Variants in NEO1 observed in about 807,000 individuals in gnomAD.
The protein encoded by NEO1 is neogenin.
NEO1 carries 63 observed loss-of-function variants against 159.7 expected under a neutral mutation model. The ratio of observed to expected loss-of-function variants is 0.39; its 90% CI spans 0.32 to 0.49. The LOEUF is 0.49. Ranked by LOEUF, NEO1 falls within the 20% of genes least tolerant of loss-of-function variation. The pLI, the probability that NEO1 is intolerant of heterozygous loss-of-function variation, is 0.85. For missense variants in NEO1, 1,615 were observed against 1,831.0 expected (o/e 0.88, Z 2.15); for synonymous variants, 633 against 662.0 (o/e 0.96, Z 0.67).
At chr15:73,064,261 A>C (rs886418792) in intron 1 of NEO1, among the ~76,000 whole-genome samples, 2 of 152,192 alleles carry the variant, frequency 1.3e-5, no homozygotes, top group African/African-American at 4.8e-5. Context: ...TGAGATGCTC[A>C]TACTAAGGCA....
At chr15:73,283,158 T>G (rs2041801714) in intron 23 of NEO1, 47 bp downstream of exon 23, 1 of 1,607,940 alleles carries the variant, frequency 6.2e-7, no homozygotes, top group Non-Finnish European at 8.5e-7. Flanking sequence ...ATCTTATCTT[T>G]TGCTTCCATG....
At chr15:73,140,456 T>C (rs994527137) in intron 5 of NEO1, among the ~76,000 whole-genome samples, 3 of 152,132 alleles carry the variant, frequency 2.0e-5, no homozygotes, top group Non-Finnish European at 4.4e-5. Context: ...CTCAGGAGAC[T>C]GAAGCAGGAG....
In NEO1 at chr15:73,288,347, C is replaced by T. The variant is rs762671370; in HGVS notation, c.3445C>T (p.His1149Tyr). ...TGCCTGCAAATCAGTGAATGGCTCT[C>T]ATAAGTACAAAGGGAATTCCAAAGA... Reference protein sequence around the residue: ...RAACKSVNGSHKYKGNSKDVK... With the variant: ...RAACKSVNGSYKYKGNSKDVK... Residue 1149 changes from histidine (H) to tyrosine (Y), a missense_variant, in exon 24 of 29, where the codon CAT (histidine) becomes TAT (tyrosine). His to Tyr is a moderately conservative substitution (Grantham distance 83). This residue lies in a region of NEO1 where 471 missense variants were observed against 498.9 expected (regional missense o/e 0.94). Coordinates refer to ENST00000261908, the MANE Select transcript of NEO1 (RefSeq NM_002499.4). The T allele has an allele frequency of 1.5e-5, 24 of 1,614,002 alleles. No individual in the cohort carries two copies. Among genetic ancestry groups the T allele is most frequent in the Non-Finnish European group, 1.9e-5 (23 of 1,180,026 alleles).
At chr15:73,241,009 A>G (rs976412095) in intron 8 of NEO1, among the ~76,000 whole-genome samples, 4 of 152,216 alleles carry the variant, frequency 2.6e-5, no homozygotes, top group Admixed American at 1.3e-4. Context: ...CAATGTGAGA[A>G]TGTATGCCAC....
chr15:73,131,215 A>G (rs917131857), intron 4 of NEO1, among the ~76,000 whole-genome samples: 2 of 152,212 alleles, frequency 1.3e-5, no homozygotes, highest in African/African-American at 4.8e-5. Context: ...GAAAATCTCA[A>G]CTGAAAGGAG....
intron 5 of NEO1, among the ~76,000 whole-genome samples, chr15:73,172,463 T>C (rs1356862689): frequency 6.6e-6 from 1 of 152,202 alleles, no homozygotes; most frequent in Non-Finnish European, 1.5e-5. Context: ...TTATAAATCA[T>C]TGGCTAAAGA....
chr15:73,168,314 G>A (rs1567368840), intron 5 of NEO1, among the ~76,000 whole-genome samples: 4 of 145,540 alleles, frequency 2.7e-5, no homozygotes, highest in Admixed American at 1.5e-4. Context: ...CTCCCAAGTA[G>A]CTGGAATTAC....
chr15:73,239,199 A>G (rs1314585100), intron 8 of NEO1, among the ~76,000 whole-genome samples: 1 of 152,174 alleles, frequency 6.6e-6, no homozygotes, highest in East Asian at 1.9e-4. Context: ...GATAATATCC[A>G]GTGTTCAATG....
In NEO1 at chr15:73,249,074, C is replaced by A; in HGVS notation, c.1621C>A (p.Pro541Thr). The A allele has an allele frequency of 6.2e-7, 1 of 1,613,866 alleles. No individual in the cohort carries two copies. Among genetic ancestry groups the A allele is most frequent in the Non-Finnish European group, 8.5e-7 (1 of 1,179,880 alleles). The change falls in exon 10 of 29, where the codon CCA becomes ACA. Residue 541 changes from proline (P) to threonine (T), a missense_variant. Physicochemically the swap from Pro to Thr is conservative, Grantham distance 38. This residue lies in a region of NEO1 where 1,018 missense variants were observed against 1,115.4 expected (regional missense o/e 0.91). Transcript: ENST00000261908. ...TTTCTTTCTAGTTCAGCTCCCTGGC[C>A]CAGCACCTAACCTTCGTGCATATGC... ...ETQPEVQLPGPAPNLRAYAAS... is the reference protein window; with the variant it reads ...ETQPEVQLPGTAPNLRAYAAS...
chr15:73,105,678 TTATTTTAC>T (rs2070653622), intron 1 of NEO1, among the ~76,000 whole-genome samples: 1 of 152,176 alleles, frequency 6.6e-6, no homozygotes, highest in African/African-American at 2.4e-5. Context: ...GACATTCACT[TTATTTTAC>T]TTGAAGAGTC....
chr15:73,210,209 C>T (rs1351419632), intron 7 of NEO1, among the ~76,000 whole-genome samples: 1 of 152,294 alleles, frequency 6.6e-6, no homozygotes, highest in South Asian at 2.1e-4. Context: ...TGAGCTTTTA[C>T]AAGAATATGG....
At chr15:73,221,051 G>T (rs999966795) in intron 7 of NEO1, among the ~76,000 whole-genome samples, 5 of 152,102 alleles carry the variant, frequency 3.3e-5, no homozygotes, top group African/African-American at 1.2e-4. Context: ...CCCCATCTTT[G>T]TGGTTTTATC....
At chr15:73,277,542 A>G (rs2041475983) in intron 21 of NEO1, among the ~76,000 whole-genome samples, 1 of 152,080 alleles carries the variant, frequency 6.6e-6, no homozygotes, top group East Asian at 1.9e-4. Flanking sequence ...CAGCCTCTGG[A>G]ATGTTTAGGT....
At chr15:73,260,533 A>G (rs2040575653) in intron 15 of NEO1, 68 bp downstream of exon 15, 4 of 1,329,598 alleles carry the variant, frequency 3.0e-6, no homozygotes, top group Non-Finnish European at 4.0e-6. Flanking sequence ...TTTATGTAAT[A>G]TTTTTATTTT....
rs954301698 is a variant in NEO1, at chr15:73,216,136, T to C, written c.1292-20211T>C. The stretch of plus-strand genomic sequence containing the variant: ...TGTGATGTTCCCCTTCCTGTGTCCA[T>C]GTGTTCTCATTGTTCAATTCCCACC... On this transcript the variant is annotated intron_variant, in intron 7 of 28. Coordinates refer to ENST00000261908, the MANE Select transcript of NEO1 (RefSeq NM_002499.4). Among the ~76,000 whole-genome samples, 4 of 142,486 alleles carry C rather than the reference T, an allele frequency of 2.8e-5. No individual in the cohort carries two copies. The South Asian group carries it at 9.6e-4, about 34-fold the overall frequency. The allele number at this position is 142,486 out of a possible 152,430, so 93.5% of individuals were successfully genotyped here. A position where few individuals can be genotyped will look rare whatever the true frequency, so the allele number is the denominator to read the frequency against.
intron 7 of NEO1, among the ~76,000 whole-genome samples, chr15:73,218,615 G>A (rs1386819357): frequency 6.6e-6 from 1 of 151,786 alleles, no homozygotes; most frequent in Non-Finnish European, 1.5e-5. Context: ...CCTGTTATTG[G>A]TCTATTCAGA....
intron 7 of NEO1, among the ~76,000 whole-genome samples, chr15:73,200,341 G>A (rs2036794257): frequency 6.6e-6 from 1 of 152,054 alleles, no homozygotes; most frequent in Non-Finnish European, 1.5e-5. Context: ...AGCACTTTGG[G>A]AGGCCGAGGT....
intron 7 of NEO1, among the ~76,000 whole-genome samples, chr15:73,216,651 T>A (rs970864410): frequency 3.9e-5 from 6 of 152,112 alleles, no homozygotes; most frequent in African/African-American, 1.4e-4. Context: ...GATATCTCAT[T>A]GTGGTTTTGA....
At chr15:73,277,955 T>G (rs2041492864) in intron 21 of NEO1, among the ~76,000 whole-genome samples, 176 bp from the exon 22 acceptor site, 1 of 152,178 alleles carries the variant, frequency 6.6e-6, no homozygotes, top group South Asian at 2.1e-4. Flanking sequence ...AAGCTATACC[T>G]TAGTTTGCTT....
Sources: gnomAD v4.1 joint callset for allele counts (sites outside exome capture counted in the v4.1 genomes callset) on GRCh38, gnomAD v4.1.1 for gene constraint, gnomAD v4.1.1 regional missense constraint, MANE v1.5 for transcripts, NCBI Gene and HGNC (gene_info 2026-07-23, HGNC 2026-07-21) for gene names.